ASPSCR1: variants seen among roughly 807,000 people sequenced by gnomAD.
ASPSCR1 encodes tether containing UBX domain for GLUT4.
Under a neutral mutation model 68.9 loss-of-function variants are expected in ASPSCR1, and 55 were observed. That is an observed-to-expected ratio of 0.80 (90% CI 0.64 to 1.00). The LOEUF is 1.00. ASPSCR1 is among the 50% of genes least tolerant of loss of function. The probability of loss-of-function intolerance (pLI) is 0.00; values close to 1 mark genes in which losing one functional copy is unlikely to be tolerated. For missense variants in ASPSCR1, 765 were observed against 762.2 expected (o/e 1.00, Z -0.04); for synonymous variants, 352 against 332.6 (o/e 1.06, Z -0.63).
intron 9 of ASPSCR1, 89 bp downstream of exon 9, chr17:82,009,656 C>T (rs1396735470): frequency 1.1e-6 from 1 of 928,540 alleles, no homozygotes; most frequent in Non-Finnish European, 1.6e-6. Context: ...GACTGAGGCA[C>T]AGCTCTGAGC....
intron 11 of ASPSCR1, 67 bp from the exon 12 acceptor site, chr17:82,012,164 T>C (rs1567993189): frequency 1.3e-6 from 2 of 1,547,964 alleles, no homozygotes; most frequent in South Asian, 2.2e-5. Context: ...AGGCCTGTCT[T>C]CCTTCGGGCG....
At chr17:81,995,372 T>G in intron 5 of ASPSCR1, 1 of 242,036 alleles carries the variant, frequency 4.1e-6, no homozygotes, top group Non-Finnish European at 8.0e-6. Context: ...GCTGGGGCTG[T>G]GACGGGGAGG....
At chr17:81,997,379 G>A (rs1376148259) in intron 7 of ASPSCR1, among the ~76,000 whole-genome samples, 1 of 151,978 alleles carries the variant, frequency 6.6e-6, no homozygotes, top group African/African-American at 2.4e-5. Flanking sequence ...GCTGGTGAAC[G>A]CATCAGCCAG....
intron 7 of ASPSCR1, among the ~76,000 whole-genome samples, chr17:82,003,038 G>C (rs1217017395): frequency 6.6e-6 from 1 of 151,966 alleles, no homozygotes; most frequent in Non-Finnish European, 1.5e-5. Context: ...AGTAGAGATG[G>C]AGTTTTCATC....
At chr17:81,991,702 C>T (rs918277931) in intron 4 of ASPSCR1, among the ~76,000 whole-genome samples, 5 of 152,238 alleles carry the variant, frequency 3.3e-5, no homozygotes, top group Non-Finnish European at 7.3e-5. Context: ...AGCCGCTTGG[C>T]GGCTGGGCTG....
Position 81,977,889 on chromosome 17 carries a change from C to T in ASPSCR1, c.102+141C>T. 3 of 542,158 alleles carry T rather than the reference C, an allele frequency of 5.5e-6. No homozygotes were observed. The highest frequency in any genetic ancestry group is 9.3e-5 in the South Asian group (1 of 10,718). 33.6% of individuals were successfully genotyped at this position (542,158 alleles called of 1,614,324 possible). The stretch of plus-strand genomic sequence containing the variant: ...CGGCCTCCTGAGCGGCGGCCCCGCC[C>T]CCTGCTCGCCGTCACCTGCGCTTCC... On this transcript the variant is annotated intron_variant, in intron 1 of 15. Transcript: ENST00000306739. This position sits in a 1 kb window ranked among gnomAD's most constrained non-coding sequence, Gnocchi z 5.0.
chr17:81,979,022 C>T (rs1201122543), intron 1 of ASPSCR1, among the ~76,000 whole-genome samples, 162 bp from the exon 2 acceptor site: 1 of 152,202 alleles, frequency 6.6e-6, no homozygotes, highest in Non-Finnish European at 1.5e-5. Flanking sequence ...TGAGAGCCTG[C>T]ATTTGTTGCG....
rs1017324200 is a variant in ASPSCR1 at position 81,986,838 on chromosome 17, C to T, written c.374+1231C>T. On this transcript the variant is annotated intron_variant, in intron 4 of 15. Transcript: ENST00000306739. The surrounding 1 kb of genome is among the most constrained non-coding windows in gnomAD (Gnocchi z 5.2). ...GACAGTAGTGCCGCGCTGCATGGCA[C>T]GGGTGTTGCGTTCGTGGGTGAGAGC... is the stretch of plus-strand genomic sequence containing the variant. 1.6e-4 allele frequency among the ~76,000 whole-genome samples: 24 copies of T among 151,618 alleles called. No homozygotes were observed. Among genetic ancestry groups the T allele is most frequent in the Admixed American group, 5.9e-4 (9 of 15,256 alleles).
intron 4 of ASPSCR1, among the ~76,000 whole-genome samples, chr17:81,988,937 G>A (rs1644117717): frequency 6.6e-6 from 1 of 152,200 alleles, no homozygotes; most frequent in Non-Finnish European, 1.5e-5. Context: ...GCCGGGCATG[G>A]CGGCTCTCAC....
At chr17:81,996,949 G>A in intron 7 of ASPSCR1, 103 bp downstream of exon 7, 3 of 1,507,486 alleles carry the variant, frequency 2.0e-6, no homozygotes, top group Non-Finnish European at 2.7e-6. Flanking sequence ...CCGTGATGCG[G>A]GCAGAGGAAC....
chr17:82,001,192 G>A (rs775614268), intron 7 of ASPSCR1, among the ~76,000 whole-genome samples: 5 of 152,320 alleles, frequency 3.3e-5, no homozygotes, highest in South Asian at 2.1e-4. Context: ...TGCACTGGGC[G>A]TGGTGAATAC....
intron 3 of ASPSCR1, 132 bp from the exon 4 acceptor site, chr17:81,985,375 G>C: frequency 1.1e-6 from 1 of 872,850 alleles, no homozygotes; most frequent in Non-Finnish European, 1.8e-6. Flanking sequence ...AGCCTTCTCC[G>C]TGGGGGTCAG....
chr17:81,997,716 C>G (rs904983901), intron 7 of ASPSCR1, among the ~76,000 whole-genome samples: 6 of 150,324 alleles, frequency 4.0e-5, no homozygotes, highest in Non-Finnish European at 9.0e-5. Context: ...GTCTCAATCT[C>G]TTGACCTTGT....
At chr17:81,980,260 G>C (rs78060529) in intron 2 of ASPSCR1, among the ~76,000 whole-genome samples, 20,205 of 152,292 alleles carry the variant, frequency 0.13, 2,347 homozygotes, top group African/African-American at 0.31. Context: ...GGATTACAGA[G>C]ATGAGTCACC....
chr17:82,010,814 G>T lies in ASPSCR1; in HGVS notation c.1183G>T (p.Val395Phe). Residue 395 changes from valine to phenylalanine, a missense_variant, in exon 10 of 16, where the codon GTC becomes TTC. Physicochemically the swap from Val to Phe is conservative, Grantham distance 50 (BLOSUM62 -1). Coordinates refer to ENST00000306739, the MANE Select transcript of ASPSCR1 (RefSeq NM_024083.4). ...LERYPKVALRVLFPDRYVLQG... is the reference protein window; with the variant it reads ...LERYPKVALRFLFPDRYVLQG... ...TTGTCTGGCCTAGGTGGCTCTGAGGGTCCTGTTCCCCGACCGCTACGTCCT... is the reference window on the plus strand; with the variant it reads ...TTGTCTGGCCTAGGTGGCTCTGAGGTTCCTGTTCCCCGACCGCTACGTCCT... 1 of 1,613,230 alleles carries T rather than the reference G, an allele frequency of 6.2e-7. No individual in the cohort carries two copies. Among genetic ancestry groups the T allele is most frequent in the Non-Finnish European group, 8.5e-7 (1 of 1,179,918 alleles).
intron 10 of ASPSCR1, 23 bp downstream of exon 10, chr17:82,010,891 C>A: frequency 6.2e-7 from 1 of 1,608,714 alleles, no homozygotes. Context: ...GTGGGGTGTC[C>A]GGGGATGGGG....
chr17:82,009,229 C>A, intron 8 of ASPSCR1, 38 bp downstream of exon 8: 1 of 1,559,636 alleles, frequency 6.4e-7, no homozygotes, highest in Non-Finnish European at 8.7e-7. Flanking sequence ...ATCTTCGCGC[C>A]AGGGTTTGCC....
intron 4 of ASPSCR1, among the ~76,000 whole-genome samples, chr17:81,991,901 C>T (rs545663376): frequency 2.0e-5 from 3 of 152,364 alleles, no homozygotes; most frequent in South Asian, 4.1e-4. Flanking sequence ...CTGCCTTGTC[C>T]CCAGCACACA....
rs1215787835 is a variant in ASPSCR1 at position 81,994,815 on chromosome 17, T to A, written c.375-6T>A. 6.2e-7 allele frequency: 1 copy of A among 1,613,136 alleles called. No individual in the cohort carries two copies. ...GTACCTGATGGTTTCTTTCCTCTCCTCCCAGGGAGTGCCTGCAGCACCCCG... is the reference window on the plus strand; with the variant it reads ...GTACCTGATGGTTTCTTTCCTCTCCACCCAGGGAGTGCCTGCAGCACCCCG... On this transcript the variant is annotated splice_region_variant and splice_polypyrimidine_tract_variant and intron_variant, in intron 4 of 15. Coordinates refer to ENST00000306739, the MANE Select transcript of ASPSCR1 (RefSeq NM_024083.4).
Sources: allele counts gnomAD v4.1 joint callset (sites outside exome capture counted in the v4.1 genomes callset), GRCh38; gene constraint gnomAD v4.1.1; non-coding constraint Gnocchi (gnomAD v3.1); transcripts MANE v1.5; gene names NCBI Gene and HGNC (gene_info 2026-07-23, HGNC 2026-07-21).